The following ATRX variants were observed in gnomAD, a reference collection of about 807,000 sequenced individuals.
ATRX encodes the protein ATRX chromatin remodeler, also known as chromatin remodeler ATRX.
A neutral mutation model predicts 172.6 loss-of-function variants in ATRX; 12 were observed. The ratio of observed to expected loss-of-function variants is 0.07; its 90% CI spans 0.04 to 0.11. The LOEUF (loss-of-function observed/expected upper bound fraction) is 0.11. Ranked by LOEUF, ATRX falls within the 10% of genes least tolerant of loss-of-function variation. ATRX has a pLI of 1.00. For missense variants in ATRX, 1,368 were observed against 1,767.4 expected, an observed-to-expected ratio of 0.77 and a Z score of 4.05; for synonymous variants, 674 against 594.7, an observed-to-expected ratio of 1.13 and a Z score of -1.94.
At chrX:77,726,171 C>T (rs2074025050) in intron 1 of ATRX, among the ~76,000 whole-genome samples, 1 of 111,114 alleles carries the variant, frequency 9.0e-6, no homozygotes, top group Admixed American at 9.6e-5. Context: ...GACTCACACA[C>T]ATGTATGTTT....
At chrX:77,524,475 T>C (rs1557042951) in intron 30 of ATRX, among the ~76,000 whole-genome samples, 2 of 111,641 alleles carry the variant, frequency 1.8e-5, no homozygotes, top group African/African-American at 6.5e-5. Context: ...AAAATAATTA[T>C]GCCTTTACAC....
At chrX:77,640,240 G>A (rs1279473769) in intron 15 of ATRX, among the ~76,000 whole-genome samples, 1 of 111,358 alleles carries the variant, frequency 9.0e-6, no homozygotes, top group Non-Finnish European at 1.9e-5. Context: ...CTACCACGGT[G>A]ATGGGATCCA....
intron 2 of ATRX, among the ~76,000 whole-genome samples, chrX:77,708,472 C>A (rs2148717692): frequency 9.1e-6 from 1 of 110,451 alleles, no homozygotes; most frequent in African/African-American, 3.3e-5. Flanking sequence ...ACCAGCCCGG[C>A]CAACATGGCA....
At chrX:77,604,349 A>G (rs1557089012) in intron 22 of ATRX, among the ~76,000 whole-genome samples, 1 of 112,398 alleles carries the variant, frequency 8.9e-6, no homozygotes, top group African/African-American at 3.2e-5. Context: ...ATAAATAGAC[A>G]TTTTTCAAAA....
In ATRX at chrX:77,506,897, CTTTTTTTTTTTTT is replaced by C. The variant is rs139948612; in HGVS notation, c.*1441_*1453del. On this transcript the variant is annotated 3_prime_UTR_variant, in exon 35 of 35. Coordinates refer to ENST00000373344, the MANE Select transcript of ATRX (RefSeq NM_000489.6). ...TAAAGCAAAGCCCAAACCCAGTTTT[CTTTTTTTTTTTTT>C]TTTTTTTTTTTTTGGAATTCTTAAG... 8 of 60,054 alleles carry C rather than the reference CTTTTTTTTTTTTT, an allele frequency of 1.3e-4. No individual in the cohort carries two copies. The highest frequency in any genetic ancestry group is 1.3e-3 in the South Asian group (1 of 778). The allele number at this position is 60,054 out of a possible 1,213,427, so 4.9% of individuals were successfully genotyped here.
intron 19 of ATRX, among the ~76,000 whole-genome samples, chrX:77,624,141 A>G (rs2067714657): frequency 9.0e-6 from 1 of 111,564 alleles, no homozygotes; most frequent in African/African-American, 3.3e-5. Flanking sequence ...CTGAGCGGGC[A>G]GATCACGAGG....
chrX:77,593,925 C>T, intron 25 of ATRX, 76 bp from the exon 26 acceptor site: 1 of 1,007,396 alleles, frequency 9.9e-7, no homozygotes, highest in African/African-American at 1.9e-5. Flanking sequence ...CAGAAAAAGA[C>T]CTACCCATGG....
intron 1 of ATRX, among the ~76,000 whole-genome samples, chrX:77,748,818 C>A (rs1356252411): frequency 9.0e-6 from 1 of 110,718 alleles, no homozygotes; most frequent in Non-Finnish European, 1.9e-5. Flanking sequence ...AACTCCTGAC[C>A]TCAGGTGATC....
At chrX:77,553,782 A>G (rs566369469) in intron 30 of ATRX, among the ~76,000 whole-genome samples, 3 of 111,982 alleles carry the variant, frequency 2.7e-5, no homozygotes, top group African/African-American at 9.7e-5. Flanking sequence ...AAACTTTCCA[A>G]GAAAGAAATG....
At chrX:77,778,664 T>C (rs1273737339) in intron 1 of ATRX, among the ~76,000 whole-genome samples, 1 of 103,426 alleles carries the variant, frequency 9.7e-6, no homozygotes, top group Admixed American at 1.1e-4. Flanking sequence ...GAGGTTGCAG[T>C]GAGCCAAGAT....
At chrX:77,643,233 G>A (rs2068744668) in intron 15 of ATRX, among the ~76,000 whole-genome samples, 1 of 109,933 alleles carries the variant, frequency 9.1e-6, no homozygotes, top group Non-Finnish European at 1.9e-5. Context: ...TCAGAGCTCT[G>A]GTGAGAAGGA....
chrX:77,526,833 C>T (rs2063397780), intron 30 of ATRX, among the ~76,000 whole-genome samples: 1 of 111,851 alleles, frequency 8.9e-6, no homozygotes, highest in South Asian at 3.7e-4. Context: ...CCCACTAATT[C>T]CAGATTTAAA....
intron 27 of ATRX, among the ~76,000 whole-genome samples, chrX:77,586,465 A>G (rs1291889971): frequency 8.9e-6 from 1 of 112,091 alleles, no homozygotes; most frequent in African/African-American, 3.2e-5. Flanking sequence ...TAAAAGCAAA[A>G]AGAGATTAGC....
rs2148617617 is a variant in ATRX, at chrX:77,683,599, C to T, written c.1657G>A (p.Glu553Lys). 8.3e-7 allele frequency: 1 copy of T among 1,211,515 alleles called. No homozygotes were observed. ...ACAGATGAACTCTCCACTTCTTGTT[C>T]AGTTCCACTGCTGCCATCCCCTTGA... is the stretch of plus-strand genomic sequence containing the variant. ...DHQGDGSSGT[E>K]QEVESSSVKL... The change falls in exon 9 of 35, where the codon GAA becomes AAA. Residue 553 changes from glutamate (E) to lysine (K), a missense_variant. This residue lies in a region of ATRX where 843 missense variants were observed against 643.1 expected (regional missense o/e 1.31). Transcript: ENST00000373344.
At chrX:77,642,391 A>T (rs1289189851) in intron 15 of ATRX, among the ~76,000 whole-genome samples, 1 of 112,335 alleles carries the variant, frequency 8.9e-6, no homozygotes, top group Non-Finnish European at 1.9e-5. Flanking sequence ...AGAGGAGCAA[A>T]GATGAAGGAA....
Position 77,684,925 on chromosome X carries a change from T to C in ATRX, c.662+14A>G. The C allele has an allele frequency of 1.7e-6, 2 of 1,179,967 alleles. No individual in the cohort carries two copies. Among genetic ancestry groups the C allele is most frequent in the East Asian group, 3.0e-5 (1 of 33,645 alleles). The stretch of plus-strand genomic sequence containing the variant: ...GTAGGAAACACTGAATGTTAGCTCA[T>C]CTATATTACCTACCTACATTGTTCA... On this transcript the variant is annotated intron_variant, in intron 8 of 34. Coordinates refer to ENST00000373344, the MANE Select transcript of ATRX (RefSeq NM_000489.6).
chrX:77,527,782 G>A (rs1375486951), intron 30 of ATRX, among the ~76,000 whole-genome samples: 1 of 111,759 alleles, frequency 8.9e-6, no homozygotes, highest in Non-Finnish European at 1.9e-5. Context: ...GCTGAAGTCC[G>A]CCTGAGACAA....
intron 19 of ATRX, among the ~76,000 whole-genome samples, chrX:77,632,050 G>A (rs1157849293): frequency 9.1e-6 from 1 of 110,165 alleles, no homozygotes; most frequent in Admixed American, 9.7e-5. Flanking sequence ...CCAGATGGGA[G>A]TGCAGTGGCA....
At chrX:77,714,159 G>T (rs1459301224) in intron 2 of ATRX, among the ~76,000 whole-genome samples, 2 of 111,094 alleles carry the variant, frequency 1.8e-5, no homozygotes, top group African/African-American at 3.3e-5. Context: ...CTAGGAGGGG[G>T]TCTTGGCCAA....
Sources: allele counts gnomAD v4.1 joint callset (sites outside exome capture counted in the v4.1 genomes callset), GRCh38; gene constraint gnomAD v4.1.1; regional missense constraint gnomAD v4.1.1; transcripts MANE v1.5; gene names NCBI Gene and HGNC (gene_info 2026-07-23, HGNC 2026-07-21).